ASB3: variants seen among roughly 807,000 people sequenced by gnomAD.
ASB3 encodes the protein ankyrin repeat and SOCS box protein 3.
ASB3 carries 41 observed loss-of-function variants against 54.5 expected under a neutral mutation model. The ratio of observed to expected loss-of-function variants is 0.75; its 90% CI spans 0.59 to 0.98. ASB3 has a LOEUF of 0.98. Ranked by LOEUF, ASB3 falls within the 50% of genes least tolerant of loss-of-function variation. The probability of loss-of-function intolerance (pLI) is 0.00; values close to 1 mark genes in which losing one functional copy is unlikely to be tolerated. For synonymous variants in ASB3, 266 were observed against 221.2 expected (o/e 1.20, Z -1.80); for missense variants, 733 against 620.0 (o/e 1.18, Z -1.94).
chr2:53,744,245 G>A (rs185765095), intron 3 of ASB3, among the ~76,000 whole-genome samples: 1 of 151,104 alleles, frequency 6.6e-6, no homozygotes, highest in Non-Finnish European at 1.5e-5. Context: ...TTAGCCAGGC[G>A]TGGTCACAGG....
chr2:53,686,152 C>T (rs545240700), intron 9 of ASB3, among the ~76,000 whole-genome samples: 20 of 152,166 alleles, frequency 1.3e-4, no homozygotes, highest in Admixed American at 7.9e-4. Flanking sequence ...TCTATAGCTT[C>T]CTTTGATCAT....
intron 3 of ASB3, among the ~76,000 whole-genome samples, chr2:53,745,424 T>C (rs1486117317): frequency 1.3e-5 from 2 of 152,218 alleles, no homozygotes; most frequent in East Asian, 1.9e-4. Context: ...CCTACTGCCA[T>C]TAAGTTGAAG....
At chr2:53,774,184 G>A in intron 1 of ASB3, 2 of 1,612,714 alleles carry the variant, frequency 1.2e-6, no homozygotes, top group Admixed American at 1.7e-5. Context: ...AGTAGGAAAG[G>A]AAGAAGAAGT....
intron 2 of ASB3, among the ~76,000 whole-genome samples, chr2:53,762,827 T>C (rs1180557477): frequency 6.6e-6 from 1 of 152,030 alleles, no homozygotes; most frequent in African/African-American, 2.4e-5. Context: ...AAAATATGTA[T>C]GCATATTAAA....
intron 7 of ASB3, among the ~76,000 whole-genome samples, chr2:53,713,067 G>A (rs1310580031): frequency 6.6e-6 from 1 of 152,158 alleles, no homozygotes; most frequent in African/African-American, 2.4e-5. Context: ...GGCCGGATGG[G>A]GTGGCTCACA....
At chr2:53,733,657 G>C (rs1671451430) in intron 3 of ASB3, among the ~76,000 whole-genome samples, 1 of 152,074 alleles carries the variant, frequency 6.6e-6, no homozygotes, top group Non-Finnish European at 1.5e-5. Context: ...GGCCAGGCTG[G>C]TCTTGAACTC....
intron 7 of ASB3, among the ~76,000 whole-genome samples, chr2:53,706,857 T>A (rs1019987081): frequency 6.6e-6 from 1 of 152,188 alleles, no homozygotes; most frequent in Non-Finnish European, 1.5e-5. Flanking sequence ...AAGCAATTCA[T>A]CCATTCTCAC....
intron 7 of ASB3, among the ~76,000 whole-genome samples, chr2:53,704,282 C>T (rs1036483064): frequency 6.6e-6 from 1 of 150,994 alleles, no homozygotes; most frequent in Admixed American, 6.6e-5. Flanking sequence ...AACGCCACAA[C>T]CCAGAAGGCA....
intron 9 of ASB3, 64 bp downstream of exon 9, chr2:53,693,820 A>C: frequency 6.4e-7 from 1 of 1,557,632 alleles, no homozygotes; most frequent in Non-Finnish European, 8.7e-7. Context: ...TAAAATTACA[A>C]CACAGCTAGA....
At chr2:53,763,923 C>T (rs1457825154) in intron 2 of ASB3, among the ~76,000 whole-genome samples, 1 of 152,128 alleles carries the variant, frequency 6.6e-6, no homozygotes, top group Non-Finnish European at 1.5e-5. Flanking sequence ...ATAATAGACA[C>T]TAGACACTTG....
intron 9 of ASB3, among the ~76,000 whole-genome samples, chr2:53,672,434 T>C (rs1315457622): frequency 1.3e-5 from 2 of 152,164 alleles, no homozygotes; most frequent in Non-Finnish European, 2.9e-5. Flanking sequence ...CTGGAGGAAG[T>C]TGCAGGAATA....
chr2:53,704,096 G>A (rs1291344341), intron 7 of ASB3, among the ~76,000 whole-genome samples: 1 of 152,084 alleles, frequency 6.6e-6, no homozygotes, highest in African/African-American at 2.4e-5. Context: ...AGGCGTGGTG[G>A]CTCACACCTG....
rs1156279044 is a variant in ASB3, at chr2:53,712,706, A to AC, written c.980+1677_980+1678insG. Among the ~76,000 whole-genome samples, 17 of 152,282 alleles carry AC rather than the reference A, an allele frequency of 1.1e-4. No individual in the cohort carries two copies. In the South Asian group the frequency reaches 3.3e-3, roughly 30 times the overall value. On this transcript the variant is annotated intron_variant, in intron 7 of 9. Coordinates refer to ENST00000263634, the MANE Select transcript of ASB3 (RefSeq NM_016115.5). ...AGGACCAAAAACATTGTTCATCCAA[A>AC]AGATAAGATGAAGGCCAAAAAAGAC...
chr2:53,771,753 T>C (rs555834253), intron 1 of ASB3, among the ~76,000 whole-genome samples: 22 of 152,310 alleles, frequency 1.4e-4, no homozygotes, highest in African/African-American at 4.6e-4. Context: ...TTAATTCACT[T>C]AAGCTTTATC....
At chr2:53,742,387 A>T (rs556704794) in intron 3 of ASB3, among the ~76,000 whole-genome samples, 1 of 152,338 alleles carries the variant, frequency 6.6e-6, no homozygotes, top group Non-Finnish European at 1.5e-5. Context: ...AATCCATACA[A>T]AGATACAAGA....
chr2:53,671,091 T>G (rs748353461), intron 9 of ASB3, among the ~76,000 whole-genome samples: 1 of 152,232 alleles, frequency 6.6e-6, no homozygotes, highest in African/African-American at 2.4e-5. Context: ...AGTGAATAGA[T>G]GTACAGCTTG....
chr2:53,765,664 G>A (rs1673403403), intron 1 of ASB3, 79 bp from the exon 2 acceptor site: 10 of 1,530,476 alleles, frequency 6.5e-6, no homozygotes, highest in Non-Finnish European at 8.9e-6. Context: ...ATCACGGTGG[G>A]CCTGTCTAGT....
In ASB3 at chr2:53,714,369, A is replaced by G. The variant is rs751421213; in HGVS notation, c.980+15T>C. On this transcript the variant is annotated intron_variant, in intron 7 of 9. Coordinates refer to ENST00000263634, the MANE Select transcript of ASB3 (RefSeq NM_016115.5). Reference sequence around the variant, plus strand: ...AAAAAAGAATAAAAAATAAAAACATAGCAAATATACATACTCCTTTTGGAA... The same window carrying G: ...AAAAAAGAATAAAAAATAAAAACATGGCAAATATACATACTCCTTTTGGAA... 1 of 1,609,106 alleles carries G rather than the reference A, an allele frequency of 6.2e-7. No individual in the cohort carries two copies. The highest frequency in any genetic ancestry group is 1.1e-5 in the South Asian group (1 of 89,878).
chr2:53,749,097 T>C (rs1449510077), intron 3 of ASB3, among the ~76,000 whole-genome samples: 1 of 152,130 alleles, frequency 6.6e-6, no homozygotes, highest in Non-Finnish European at 1.5e-5. Flanking sequence ...CCCTTTGTAC[T>C]GTTATTGACT....
Sources: allele counts gnomAD v4.1 joint callset (sites outside exome capture counted in the v4.1 genomes callset), GRCh38; gene constraint gnomAD v4.1.1; transcripts MANE v1.5; gene names NCBI Gene and HGNC (gene_info 2026-07-23, HGNC 2026-07-21).